The following RHOU variants were observed in gnomAD, a reference collection of about 807,000 sequenced individuals.
RHOU encodes ras homolog family member U, also known as rho-related GTP-binding protein RhoU.
A neutral mutation model predicts 12.6 loss-of-function variants in RHOU; 8 were observed. That is an observed-to-expected ratio of 0.64 (90% CI 0.37 to 1.15). The LOEUF is 1.15. RHOU is among the 50% of genes most tolerant of loss of function. The probability of loss-of-function intolerance (pLI) is 0.01; values close to 1 mark genes in which losing one functional copy is unlikely to be tolerated. For synonymous variants in RHOU, 161 were observed against 147.4 expected (o/e 1.09, Z -0.67); for missense variants, 258 against 347.0 (o/e 0.74, Z 2.04).
chr1:228,687,723 G>T, the RHOU span: 4 of 1,458,408 alleles, frequency 2.7e-6, no homozygotes, highest in Admixed American at 6.7e-5. Flanking sequence ...CAAAGAATTG[G>T]GTGAGCACGT....
chr1:228,738,943 A>G lies in RHOU; in HGVS notation c.321+1212A>G, dbSNP rs908020278. ...ACCAGCCTGGGTAGCATAGCAAGAC[A>G]TCATCTCTACAAAATAAAAAAATTA... On this transcript the variant is annotated intron_variant, in intron 2 of 2. Transcript: ENST00000366691. The surrounding 1 kb of genome is among the most constrained non-coding windows in gnomAD (Gnocchi z 4.2). Among the ~76,000 whole-genome samples the G allele has an allele frequency of 9.9e-5, 15 of 151,688 alleles. No individual in the cohort carries two copies. The highest frequency in any genetic ancestry group is 3.4e-4 in the African/African-American group (14 of 41,306).
the RHOU span, among the ~76,000 whole-genome samples, chr1:228,667,384 G>A: frequency 6.6e-6 from 1 of 152,226 alleles, no homozygotes; most frequent in African/African-American, 2.4e-5. Context: ...GAACTAACAT[G>A]TTGACAGAGT....
At chr1:228,707,128 A>ATATATATATATATATATG in the RHOU span, among the ~76,000 whole-genome samples, 66 of 67,566 alleles carry the variant, frequency 9.8e-4, 1 homozygote, top group Middle Eastern at 8.8e-3. Context: ...ATATATATAC[A>ATATATATATATATATATG]TATATATATA....
the RHOU span, among the ~76,000 whole-genome samples, chr1:228,657,225 C>A: frequency 7.7e-6 from 1 of 129,482 alleles, no homozygotes. Context: ...TGCAGTGAGC[C>A]GAGATCACAC....
chr1:228,729,168 A>G, the RHOU span, among the ~76,000 whole-genome samples: 1 of 152,132 alleles, frequency 6.6e-6, no homozygotes, highest in Non-Finnish European at 1.5e-5. Context: ...TGCTGGGATT[A>G]CAAGCATGAG....
Position 228,737,581 on chromosome 1 carries a change from G to A in RHOU, c.263-92G>A. The A allele has an allele frequency of 8.1e-7, 1 of 1,233,968 alleles. No homozygotes were observed. Among genetic ancestry groups the A allele is most frequent in the Non-Finnish European group, 1.2e-6 (1 of 837,840 alleles). 76.4% of individuals were successfully genotyped at this position (1,233,968 alleles called of 1,614,324 possible). A position where few individuals can be genotyped will look rare whatever the true frequency, so the allele number is the denominator to read the frequency against. Reference sequence around the variant, plus strand: ...ACCTAAAATAGGAGCAAAGGGGTTTGGAGTGAGAATGATAGTGAAAGCTAA... The same window carrying A: ...ACCTAAAATAGGAGCAAAGGGGTTTAGAGTGAGAATGATAGTGAAAGCTAA... On this transcript the variant is annotated intron_variant, in intron 1 of 2. Coordinates refer to ENST00000366691, the MANE Select transcript of RHOU (RefSeq NM_021205.6). This position sits in a 1 kb window ranked among gnomAD's most constrained non-coding sequence, Gnocchi z 4.1.
chr1:228,709,356 A>T, the RHOU span, among the ~76,000 whole-genome samples: 1 of 144,546 alleles, frequency 6.9e-6, no homozygotes, highest in Non-Finnish European at 1.5e-5. Context: ...CAGAATATAC[A>T]TTTTTTTCAG....
chr1:228,731,903 T>A (rs1662505973), upstream of RHOU, among the ~76,000 whole-genome samples: 1 of 152,184 alleles, frequency 6.6e-6, no homozygotes, highest in Non-Finnish European at 1.5e-5. Context: ...AATGAAGGCG[T>A]TGTACTGTCT....
At chr1:228,693,591 CG>C in the RHOU span, among the ~76,000 whole-genome samples, 1 of 152,152 alleles carries the variant, frequency 6.6e-6, no homozygotes, top group Non-Finnish European at 1.5e-5. Flanking sequence ...CTCAGTCTCC[CG>C]AGTAGCTGGG....
At chr1:228,703,817 A>G in the RHOU span, among the ~76,000 whole-genome samples, 1 of 152,214 alleles carries the variant, frequency 6.6e-6, no homozygotes, top group African/African-American at 2.4e-5. Flanking sequence ...GATATGTGTA[A>G]GGAAAATAAA....
the RHOU span, among the ~76,000 whole-genome samples, chr1:228,714,657 C>G: frequency 1.3e-5 from 2 of 151,002 alleles, no homozygotes; most frequent in Admixed American, 1.3e-4. Flanking sequence ...AGTTATTTCT[C>G]CTTATTTCTT....
At chr1:228,687,952 T>TTCCCTCTG in the RHOU span, 452 of 678,694 alleles carry the variant, frequency 6.7e-4, 2 homozygotes, top group Non-Finnish European at 1.4e-4. Flanking sequence ...TGTCCCTTCC[T>TTCCCTCTG]TCCTTCTGTC....
At chr1:228,705,100 C>A in the RHOU span, among the ~76,000 whole-genome samples, 1 of 151,782 alleles carries the variant, frequency 6.6e-6, no homozygotes, top group African/African-American at 2.4e-5. Context: ...CCACACCTGG[C>A]CAAGAGTTTT....
rs1034726559 is a variant in RHOU at position 228,738,100 on chromosome 1, G to A, written c.321+369G>A. Among the ~76,000 whole-genome samples the A allele has an allele frequency of 2.6e-5, 4 of 152,122 alleles. No individual in the cohort carries two copies. Among genetic ancestry groups the A allele is most frequent in the East Asian group, 1.9e-4 (1 of 5,196 alleles). ...ACTAAGTTAGTGATGTCTTATAATC[G>A]TTTTATTAAAGGCCAGTGAGTCAGA... On this transcript the variant is annotated intron_variant, in intron 2 of 2. Transcript: ENST00000366691. This position sits in a 1 kb window ranked among gnomAD's most constrained non-coding sequence, Gnocchi z 4.2.
chr1:228,710,375 C>T, the RHOU span, among the ~76,000 whole-genome samples: 1 of 152,150 alleles, frequency 6.6e-6, no homozygotes, highest in East Asian at 1.9e-4. Flanking sequence ...AATTTTAGAC[C>T]AATATCCTTG....
the RHOU span, among the ~76,000 whole-genome samples, chr1:228,670,827 GTACTGCCCCCT>G: frequency 6.6e-6 from 1 of 152,064 alleles, no homozygotes; most frequent in African/African-American, 2.4e-5. Flanking sequence ...AAAGTGTGTG[GTACTGCCCCCT>G]TTACTCTCTG....
the RHOU span, among the ~76,000 whole-genome samples, chr1:228,660,796 G>A: frequency 6.6e-6 from 1 of 151,842 alleles, no homozygotes; most frequent in Admixed American, 6.6e-5. Flanking sequence ...AGCCAGGTGT[G>A]GTGGTGCATG....
At chr1:228,659,561 C>T in the RHOU span, among the ~76,000 whole-genome samples, 38 of 149,598 alleles carry the variant, frequency 2.5e-4, no homozygotes, top group African/African-American at 8.8e-4. Context: ...ATCAACAAAA[C>T]CAAAAGCTGG....
chr1:228,689,334 C>T, the RHOU span, among the ~76,000 whole-genome samples: 1 of 151,734 alleles, frequency 6.6e-6, no homozygotes, highest in African/African-American at 2.4e-5. Context: ...CTTCTGGATC[C>T]AGATAGGGCC....
Sources: allele counts gnomAD v4.1 joint callset (sites outside exome capture counted in the v4.1 genomes callset), GRCh38; gene constraint gnomAD v4.1.1; non-coding constraint Gnocchi (gnomAD v3.1); transcripts MANE v1.5; gene names NCBI Gene and HGNC (gene_info 2026-07-23, HGNC 2026-07-21).